The following DNAH6 variants were observed in gnomAD, a reference collection of about 807,000 sequenced individuals.
DNAH6 encodes the protein axonemal beta dynein heavy chain 6.
In DNAH6, 340 loss-of-function variants were observed where a neutral mutation model predicts 491.4. That is an observed-to-expected ratio of 0.69 (90% CI 0.63 to 0.76). The LOEUF is 0.76. Among genes scored for constraint, DNAH6 ranks in the 30% least tolerant of loss-of-function variants. The probability of loss-of-function intolerance (pLI) is 0.00; values close to 1 mark genes in which losing one functional copy is unlikely to be tolerated. For missense variants in DNAH6, 4,443 were observed against 4,972.2 expected, an observed-to-expected ratio of 0.89 and a Z score of 3.20; for synonymous variants, 1,603 against 1,686.1, an observed-to-expected ratio of 0.95 and a Z score of 1.21.
At chr2:84,502,408 A>G in the DNAH6 span, among the ~76,000 whole-genome samples, 3 of 152,190 alleles carry the variant, frequency 2.0e-5, no homozygotes, top group African/African-American at 7.2e-5. Flanking sequence ...AATTTTAAAA[A>G]TGTTTTCAGG....
At chr2:84,512,075 T>TG (rs1267946736), upstream of DNAH6, among the ~76,000 whole-genome samples, 1 of 152,204 alleles carries the variant, frequency 6.6e-6, no homozygotes, top group Non-Finnish European at 1.5e-5. Flanking sequence ...TCTGTTTTTT[T>TG]GGGGGGTGGG....
chr2:84,669,258 A>C, intron 37 of DNAH6, 31 bp from the exon 38 acceptor site: 1 of 1,491,434 alleles, frequency 6.7e-7, no homozygotes, highest in Non-Finnish European at 9.2e-7. Context: ...CTTATTCCCT[A>C]TTGAAAGTGG....
rs569590504 is a variant in DNAH6 at position 84,634,474 on chromosome 2, C to G, written c.4516-30C>G. The G allele has an allele frequency of 2.0e-6, 3 of 1,500,844 alleles. No individual in the cohort carries two copies. The South Asian group carries it at 4.0e-5, about 20-fold the overall frequency. 93.0% of individuals were successfully genotyped at this position (1,500,844 alleles called of 1,614,324 possible). On this transcript the variant is annotated intron_variant, in intron 29 of 76. Coordinates refer to ENST00000389394, the MANE Select transcript of DNAH6 (RefSeq NM_001370.2). Reference sequence around the variant, plus strand: ...TTTGAAGGAGCTGAACTACACAATACAAAGTTGAACTGCTTTATTTTGATT... The same window carrying G: ...TTTGAAGGAGCTGAACTACACAATAGAAAGTTGAACTGCTTTATTTTGATT...
intron 45 of DNAH6, among the ~76,000 whole-genome samples, chr2:84,693,855 T>C (rs902598125): frequency 2.0e-5 from 3 of 152,214 alleles, no homozygotes; most frequent in Admixed American, 2.0e-4. Context: ...CTGTGGTGTC[T>C]TTTTCTAGGT....
chr2:84,776,093 A>G (rs1676093526), intron 64 of DNAH6, among the ~76,000 whole-genome samples: 1 of 152,172 alleles, frequency 6.6e-6, no homozygotes, highest in Non-Finnish European at 1.5e-5. Flanking sequence ...TACACTATTG[A>G]CATATATAGA....
chr2:84,680,794 A>G (rs1490658829), intron 41 of DNAH6, among the ~76,000 whole-genome samples: 1 of 152,100 alleles, frequency 6.6e-6, no homozygotes, highest in East Asian at 1.9e-4. Context: ...AGGGAAGCAA[A>G]CAGATCCAAG....
At chr2:84,661,832 G>A (rs2104607100) in intron 37 of DNAH6, among the ~76,000 whole-genome samples, 1 of 152,204 alleles carries the variant, frequency 6.6e-6, no homozygotes, top group East Asian at 1.9e-4. Context: ...ATCTATAACT[G>A]AGATAATCTT....
At chr2:84,541,378 G>T (rs1678226194) in intron 4 of DNAH6, among the ~76,000 whole-genome samples, 1 of 152,186 alleles carries the variant, frequency 6.6e-6, no homozygotes, top group Non-Finnish European at 1.5e-5. Context: ...ACTGGATTGG[G>T]CTTGAGGGAA....
At chr2:84,562,948 G>A (rs1680821583) in intron 11 of DNAH6, among the ~76,000 whole-genome samples, 1 of 152,120 alleles carries the variant, frequency 6.6e-6, no homozygotes, top group African/African-American at 2.4e-5. Context: ...GTAGTGTGAG[G>A]GACCTGGTAG....
At chr2:84,516,708 TTGTC>T (rs1391572389) in intron 1 of DNAH6, 125 bp downstream of exon 1, 5 of 152,218 alleles carry the variant, frequency 3.3e-5, no homozygotes, top group East Asian at 1.9e-4. Flanking sequence ...ATTTCAGTGA[TTGTC>T]TGCTATCCGC....
At chr2:84,649,102 C>T (rs1378803286) in intron 33 of DNAH6, among the ~76,000 whole-genome samples, 2 of 152,072 alleles carry the variant, frequency 1.3e-5, no homozygotes, top group Non-Finnish European at 2.9e-5. Context: ...AGCAATAAAG[C>T]GTTTTTAAAT....
At chr2:84,562,089 AAGG>A (rs1680738391) in intron 11 of DNAH6, among the ~76,000 whole-genome samples, 1 of 152,172 alleles carries the variant, frequency 6.6e-6, no homozygotes, top group Admixed American at 6.5e-5. Flanking sequence ...AAAAATAGAG[AAGG>A]AGGAGAATAA....
intron 38 of DNAH6, 98 bp from the exon 39 acceptor site, chr2:84,670,230 C>A: frequency 1.2e-6 from 1 of 819,796 alleles, no homozygotes; most frequent in Non-Finnish European, 1.9e-6. Flanking sequence ...TAACCTCTCT[C>A]TTTTTATCCT....
chr2:84,677,664 A>G (rs1389747725), intron 41 of DNAH6, among the ~76,000 whole-genome samples: 1 of 152,174 alleles, frequency 6.6e-6, no homozygotes, highest in Admixed American at 6.5e-5. Flanking sequence ...CCCATCCTTT[A>G]TATGGGAAAA....
chr2:84,522,944 C>T (rs181487879), intron 2 of DNAH6, among the ~76,000 whole-genome samples: 110 of 152,144 alleles, frequency 7.2e-4, no homozygotes, highest in African/African-American at 2.5e-3. Flanking sequence ...GTGTGTGTCT[C>T]TGGCAAGTTT....
At chr2:84,640,661 G>C in intron 32 of DNAH6, 83 bp downstream of exon 32, 2 of 1,298,868 alleles carry the variant, frequency 1.5e-6, no homozygotes, top group Non-Finnish European at 2.1e-6. Flanking sequence ...AAGGCTCTCA[G>C]AGAGTAACTG....
At chr2:84,680,010 A>G (rs74319577) in intron 41 of DNAH6, among the ~76,000 whole-genome samples, 3 of 152,366 alleles carry the variant, frequency 2.0e-5, no homozygotes, top group Non-Finnish European at 2.9e-5. Flanking sequence ...ATACACATAC[A>G]AATGGACAGA....
At chr2:84,706,758 A>G in intron 52 of DNAH6, 138 bp from the exon 53 acceptor site, 1 of 935,426 alleles carries the variant, frequency 1.1e-6, no homozygotes, top group Non-Finnish European at 1.5e-6. Flanking sequence ...TATTTGTTTT[A>G]ACTTTATGTA....
At chr2:84,801,269 G>GAAAAAAAAAAAAAAA (rs548174516) in intron 70 of DNAH6, among the ~76,000 whole-genome samples, 1 of 110,496 alleles carries the variant, frequency 9.1e-6, no homozygotes, top group Non-Finnish European at 1.9e-5. Flanking sequence ...AAAAGAAAAA[G>GAAAAAAAAAAAAAAA]AAAAAAAAAA....
Sources: gnomAD v4.1 joint callset for allele counts (sites outside exome capture counted in the v4.1 genomes callset) on GRCh38, gnomAD v4.1.1 for gene constraint, MANE v1.5 for transcripts, NCBI Gene and HGNC (gene_info 2026-07-23, HGNC 2026-07-21) for gene names.